The following SVEP1 variants were observed in gnomAD, a reference collection of about 807,000 sequenced individuals.
The protein encoded by SVEP1 is sushi, von Willebrand factor type A, EGF and pentraxin domain-containing protein 1.
SVEP1 carries 164 observed loss-of-function variants against 367.3 expected under a neutral mutation model. That is an observed-to-expected ratio of 0.45 (90% CI 0.39 to 0.51). The LOEUF is 0.51. Ranked by LOEUF, SVEP1 falls within the 20% of genes least tolerant of loss-of-function variation. The probability of loss-of-function intolerance (pLI) is 0.00; values close to 1 mark genes in which losing one functional copy is unlikely to be tolerated. For missense variants in SVEP1, 4,117 were observed against 4,425.3 expected (o/e 0.93, Z 1.98); for synonymous variants, 1,666 against 1,611.6 (o/e 1.03, Z -0.81).
At chr9:110,377,515 A>G in intron 44 of SVEP1, 149 bp from the exon 45 acceptor site, 4 of 650,544 alleles carry the variant, frequency 6.1e-6, no homozygotes, top group Non-Finnish European at 1.0e-5. Flanking sequence ...AGGGAATTTC[A>G]GTATGTGGAG....
chr9:110,377,088 A>AAGTC lies in SVEP1; in HGVS notation c.10504+179_10504+182dup, dbSNP rs1588019417. The AAGTC allele has an allele frequency of 3.0e-5, 14 of 468,948 alleles. No homozygotes were observed. In the East Asian group the frequency reaches 4.3e-4, roughly 15 times the overall value. The allele number at this position is 468,948 out of a possible 1,614,324, so 29.0% of individuals were successfully genotyped here. On this transcript the variant is annotated intron_variant, in intron 45 of 47. Coordinates refer to ENST00000374469, the MANE Select transcript of SVEP1 (RefSeq NM_153366.4). ...ATGGATCTTAATAACAGTATTTTCA[A>AAGTC]AGTCATTAATATTCTAGATCTTCTG...
At chr9:110,568,580 A>G (rs1830518261) in intron 1 of SVEP1, among the ~76,000 whole-genome samples, 1 of 152,122 alleles carries the variant, frequency 6.6e-6, no homozygotes, top group South Asian at 2.1e-4. Flanking sequence ...GAAGAGGAAG[A>G]TCTCGAATGC....
intron 3 of SVEP1, among the ~76,000 whole-genome samples, chr9:110,526,198 A>G (rs1588092967): frequency 6.6e-6 from 1 of 152,096 alleles, no homozygotes; most frequent in East Asian, 1.9e-4. Flanking sequence ...TGAACTTAAA[A>G]ATTTTTGCAC....
chr9:110,461,043 T>C (rs1217506730), intron 18 of SVEP1, among the ~76,000 whole-genome samples: 2 of 152,254 alleles, frequency 1.3e-5, no homozygotes, highest in African/African-American at 4.8e-5. Flanking sequence ...CTTATTATTT[T>C]TAACCTTTCA....
chr9:110,459,241 AC>A, intron 18 of SVEP1, 128 bp from the exon 19 acceptor site: 1 of 772,356 alleles, frequency 1.3e-6, no homozygotes, highest in Non-Finnish European at 1.9e-6. Flanking sequence ...TATATTTAAT[AC>A]CCATACCATC....
rs1275435654 is a variant in SVEP1 at position 110,459,038 on chromosome 9, G to T, written c.3398C>A (p.Pro1133His). 8.7e-6 allele frequency: 14 copies of T among 1,613,716 alleles called. No homozygotes were observed. The highest frequency in any genetic ancestry group is 1.7e-5 in the Admixed American group (1 of 59,974). ...CAGGCAGAAGGCCTTCCCTGCATTA[G>T]GTTGGTAATAGTCACGAGGACATGG... ...CHPCPRDYYQ[P>H]NAGKAFCLAC... is the part of the protein sequence containing the mutation. Residue 1133 changes from proline to histidine, a missense_variant, in exon 19 of 48, where the codon CCT becomes CAT. Physicochemically the swap from Pro to His is moderately conservative, Grantham distance 77. Transcript: ENST00000374469.
Position 110,499,131 on chromosome 9 carries a change from G to A in SVEP1, c.1591C>T (p.Gln531Ter). ...TTGACTCCAGATAAAATGAACCCTT[G>A]GCGGCAACTTACATAGCAGATCGTC... ...FGTICYVSCR[Q>*]GFILSGVKEM... The change falls in exon 7 of 48, where the codon CAA becomes TAA. Residue 531 changes from glutamine (Q) to a stop codon, truncating the protein, a stop_gained. Transcript: ENST00000374469. LOFTEE classifies it high-confidence loss of function. 6.2e-7 allele frequency: 1 copy of A among 1,613,716 alleles called. No individual in the cohort carries two copies. Among genetic ancestry groups the A allele is most frequent in the Non-Finnish European group, 8.5e-7 (1 of 1,179,792 alleles).
At chr9:110,393,983 CCTGT>C (rs889588951) in intron 40 of SVEP1, among the ~76,000 whole-genome samples, 58 of 152,184 alleles carry the variant, frequency 3.8e-4, no homozygotes, top group African/African-American at 1.3e-3. Flanking sequence ...CTTAAATGTC[CCTGT>C]CTGACAGCTT....
At chr9:110,398,040 C>G (rs1159425657) in intron 40 of SVEP1, among the ~76,000 whole-genome samples, 2 of 146,284 alleles carry the variant, frequency 1.4e-5, no homozygotes, top group Non-Finnish European at 3.1e-5. Flanking sequence ...CCAAGTCAAT[C>G]CTAAGCCAAA....
chr9:110,468,563 G>A (rs746306104), intron 17 of SVEP1, among the ~76,000 whole-genome samples: 11 of 152,114 alleles, frequency 7.2e-5, no homozygotes, highest in Admixed American at 6.5e-4. Context: ...TGTGAGAAAT[G>A]CCCACCCTAT....
chr9:110,509,354 T>G (rs948803114), intron 5 of SVEP1, among the ~76,000 whole-genome samples: 5 of 152,238 alleles, frequency 3.3e-5, no homozygotes, highest in Non-Finnish European at 7.3e-5. Flanking sequence ...TTAGTGAAAG[T>G]GTAAGGGCCT....
chr9:110,479,910 G>C (rs1017815783), intron 12 of SVEP1, among the ~76,000 whole-genome samples, 154 bp from the exon 13 acceptor site: 1 of 152,108 alleles, frequency 6.6e-6, no homozygotes, highest in African/African-American at 2.4e-5. Context: ...GAGTTTCTAG[G>C]CATTAAATGA....
At position 110,481,440 on chromosome 9, in the gene SVEP1, TG is replaced by T. The variant is rs1484428636; in HGVS notation, c.2171-5del. On this transcript the variant is annotated splice_polypyrimidine_tract_variant and splice_region_variant and intron_variant, in intron 11 of 47. Transcript: ENST00000374469. ...AATGGAATTTCACAGGGAGAACCTG[TG>T]TAAAAAAAATTGTACTATTCATATA... The T allele has an allele frequency of 1.3e-6, 2 of 1,559,814 alleles. No individual in the cohort carries two copies. The highest frequency in any genetic ancestry group is 1.7e-6 in the Non-Finnish European group (2 of 1,152,960).
At chr9:110,483,828 G>C in intron 9 of SVEP1, 135 bp from the exon 10 acceptor site, 1 of 494,936 alleles carries the variant, frequency 2.0e-6, no homozygotes, top group Non-Finnish European at 3.5e-6. Context: ...TGACTCTGTG[G>C]CTCCTGTGAT....
chr9:110,489,917 A>G, intron 8 of SVEP1, 138 bp from the exon 9 acceptor site: 3 of 1,078,944 alleles, frequency 2.8e-6, no homozygotes, highest in Non-Finnish European at 3.8e-6. Flanking sequence ...GCTTTCTGGC[A>G]TATTTCTTTC....
chr9:110,572,392 A>C (rs1289429991), intron 1 of SVEP1, among the ~76,000 whole-genome samples: 1 of 152,186 alleles, frequency 6.6e-6, no homozygotes, highest in African/African-American at 2.4e-5. Context: ...ACAGAATATA[A>C]CACTGGCAGC....
intron 3 of SVEP1, among the ~76,000 whole-genome samples, chr9:110,518,838 T>C (rs550223913): frequency 6.6e-6 from 1 of 152,304 alleles, no homozygotes; most frequent in South Asian, 2.1e-4. Flanking sequence ...CTTCAATCCA[T>C]TTGTGATGTT....
At chr9:110,377,056 A>G (rs1827360136) in intron 45 of SVEP1, 1 of 412,682 alleles carries the variant, frequency 2.4e-6, no homozygotes, top group Admixed American at 3.9e-5. Context: ...TGTGAAAATG[A>G]CTTTAGATGG....
intron 7 of SVEP1, among the ~76,000 whole-genome samples, chr9:110,497,277 C>T (rs1413252030): frequency 1.3e-5 from 2 of 152,280 alleles, no homozygotes; most frequent in South Asian, 2.1e-4. Context: ...CCCTCTTCTC[C>T]CTTTACCTGG....
Sources: allele counts gnomAD v4.1 joint callset (sites outside exome capture counted in the v4.1 genomes callset), GRCh38; gene constraint gnomAD v4.1.1; transcripts MANE v1.5; gene names NCBI Gene and HGNC (gene_info 2026-07-23, HGNC 2026-07-21).